The following RAB37 variants were observed in gnomAD, a reference collection of about 807,000 sequenced individuals.
RAB37 encodes RAB37, member RAS oncogene family, also known as ras-related protein Rab-37.
RAB37 carries 29 observed loss-of-function variants against 33.1 expected under a neutral mutation model. That is an observed-to-expected ratio of 0.88 (90% CI 0.65 to 1.20). The LOEUF (loss-of-function observed/expected upper bound fraction) is 1.20, where lower values mean the gene tolerates loss of function less well. Among genes scored for constraint, RAB37 ranks in the 50% most tolerant of loss-of-function variants. The pLI is 0.00. For synonymous variants in RAB37, 128 were observed against 119.5 expected (o/e 1.07, Z -0.47); for missense variants, 299 against 301.1 (o/e 0.99, Z 0.05).
chr17:74,706,119 G>A (rs1015314111), intron 1 of RAB37, among the ~76,000 whole-genome samples: 28 of 151,930 alleles, frequency 1.8e-4, no homozygotes, highest in African/African-American at 6.8e-4. Context: ...AGGAGGGAAG[G>A]GAGCAAGCAC....
At chr17:74,684,511 C>A (rs180943599) in intron 1 of RAB37, among the ~76,000 whole-genome samples, 1 of 152,006 alleles carries the variant, frequency 6.6e-6, no homozygotes, top group Non-Finnish European at 1.5e-5. Context: ...AAATGGACTG[C>A]GCACGGTGGC....
At position 74,731,914 on chromosome 17, in the gene RAB37, G is replaced by A. The variant is rs565724446; in HGVS notation, c.183+2548G>A. On this transcript the variant is annotated intron_variant, in intron 2 of 7. Coordinates refer to the RAB37 transcript ENST00000340415. Reference sequence around the variant, plus strand: ...AATCCCAGCTACTTGGGAGGCTGAGGCAAGAGAATCACTTGAACCTGGGAG... The same window carrying A: ...AATCCCAGCTACTTGGGAGGCTGAGACAAGAGAATCACTTGAACCTGGGAG... Among the ~76,000 whole-genome samples, 7 of 152,154 alleles carry A rather than the reference G, an allele frequency of 4.6e-5. No individual in the cohort carries two copies. In the South Asian group the frequency reaches 1.5e-3, roughly 32 times the overall value.
intron 1 of RAB37, chr17:74,695,683 C>T (rs1486817038): frequency 1.9e-6 from 3 of 1,612,528 alleles, no homozygotes; most frequent in Non-Finnish European, 2.5e-6. Context: ...AGGCCTGTGT[C>T]CCCCTGCCCC....
At chr17:74,713,964 C>G (rs1415819099) in intron 1 of RAB37, among the ~76,000 whole-genome samples, 1 of 140,688 alleles carries the variant, frequency 7.1e-6, no homozygotes, top group African/African-American at 2.6e-5. Flanking sequence ...AATCCCAACA[C>G]TTTGGGAGGC....
intron 1 of RAB37, among the ~76,000 whole-genome samples, chr17:74,721,462 T>C (rs2034239705): frequency 6.6e-6 from 1 of 151,550 alleles, no homozygotes; most frequent in Non-Finnish European, 1.5e-5. Flanking sequence ...AGATGGAGTC[T>C]TGTTCTGTCA....
At chr17:74,719,820 C>A (rs951302496) in intron 1 of RAB37, among the ~76,000 whole-genome samples, 1 of 152,034 alleles carries the variant, frequency 6.6e-6, no homozygotes, top group African/African-American at 2.4e-5. Flanking sequence ...CCTGGCCAAG[C>A]AAATTATTTA....
At position 74,732,089 on chromosome 17, in the gene RAB37, C is replaced by T. The variant is rs116550601; in HGVS notation, c.183+2723C>T. ...AACATTCACGGTTCACTATTACCTT[C>T]CAAATAAAGTCTGAATCTCTCATCT... On this transcript the variant is annotated intron_variant, in intron 2 of 7. Coordinates refer to the RAB37 transcript ENST00000340415. Among the ~76,000 whole-genome samples the T allele has an allele frequency of 4.3e-3, 650 of 152,218 alleles. 7 individuals carry two copies. The highest frequency in any genetic ancestry group is 0.015 in the African/African-American group (606 of 41,560).
chr17:74,674,884 C>T (rs1488409750), intron 1 of RAB37, among the ~76,000 whole-genome samples: 1 of 152,112 alleles, frequency 6.6e-6, no homozygotes, highest in East Asian at 1.9e-4. Flanking sequence ...GAAGAAGCAT[C>T]ATCTTGTGTT....
rs934330745 is a variant in RAB37 at position 74,682,388 on chromosome 17, G to A, written c.72+10730G>A. Among the ~76,000 whole-genome samples the A allele has an allele frequency of 5.9e-5, 9 of 151,956 alleles. No individual in the cohort carries two copies. In the East Asian group the frequency reaches 9.7e-4, roughly 16 times the overall value. ...TCCATTCACAGGCAGGCTTCTCCCC[G>A]TGGGGCCCCATTATTGACAGCAGCC... is the stretch of plus-strand genomic sequence containing the variant. On this transcript the variant is annotated intron_variant, in intron 1 of 7. Transcript: ENST00000340415.
intron 1 of RAB37, among the ~76,000 whole-genome samples, chr17:74,739,301 G>A (rs2034551218): frequency 6.6e-6 from 1 of 152,128 alleles, no homozygotes; most frequent in African/African-American, 2.4e-5. Context: ...CCATTCCTGC[G>A]TGTCCCTGGG....
At chr17:74,743,725 A>G (rs1158453729) in intron 5 of RAB37, among the ~76,000 whole-genome samples, 1 of 152,246 alleles carries the variant, frequency 6.6e-6, no homozygotes, top group African/African-American at 2.4e-5. Flanking sequence ...AGTCAGACAG[A>G]GTGAGTGGTT....
rs906799608 is a variant in RAB37, at chr17:74,745,228, T to C, written c.567-78T>C. 1.9e-6 allele frequency: 3 copies of C among 1,542,828 alleles called. No individual in the cohort carries two copies. The highest frequency in any genetic ancestry group is 2.7e-6 in the Non-Finnish European group (3 of 1,116,536). ...ATTTGCTCTGGGAGCACTGGGCCAC[T>C]GGGAGAGGGGAGGGGGCGGCTCAGC... On this transcript the variant is annotated intron_variant, in intron 8 of 8. Coordinates refer to ENST00000392613, the MANE Select transcript of RAB37 (RefSeq NM_001006638.3). This position sits in a 1 kb window ranked among gnomAD's most constrained non-coding sequence, Gnocchi z 4.5.
intron 2 of RAB37, 89 bp downstream of exon 2, chr17:74,740,967 C>G: frequency 6.6e-6 from 6 of 911,124 alleles, no homozygotes; most frequent in Non-Finnish European, 1.1e-5. Context: ...CTCACCCTGG[C>G]TCCCAGGGAC....
At chr17:74,672,282 C>T (rs1598172528) in intron 1 of RAB37, among the ~76,000 whole-genome samples, 1 of 51,512 alleles carries the variant, frequency 1.9e-5, no homozygotes, top group Admixed American at 1.7e-4. Flanking sequence ...AAAATAGTAG[C>T]CTCTCTCAGG....
chr17:74,695,108 G>A, intron 1 of RAB37: 1 of 1,613,818 alleles, frequency 6.2e-7, no homozygotes, highest in Non-Finnish European at 8.5e-7. Flanking sequence ...AAGGCCTGCT[G>A]ATGGTGCTGT....
chr17:74,720,423 GA>G (rs971269323), intron 1 of RAB37, among the ~76,000 whole-genome samples: 32 of 147,748 alleles, frequency 2.2e-4, no homozygotes, highest in East Asian at 1.6e-3. Flanking sequence ...CATCTCTACT[GA>G]AAAAAAAAAC....
At chr17:74,705,342 T>C (rs1039047912) in intron 1 of RAB37, 13 of 673,138 alleles carry the variant, frequency 1.9e-5, no homozygotes, top group East Asian at 2.7e-5. Context: ...GCCTTTGAAG[T>C]TGATCAAAAC....
chr17:74,707,993 C>T (rs535719797), intron 1 of RAB37, among the ~76,000 whole-genome samples: 1 of 151,456 alleles, frequency 6.6e-6, no homozygotes, highest in South Asian at 2.1e-4. Flanking sequence ...ACTAAAAATA[C>T]AAAAATTAGC....
chr17:74,691,556 A>G (rs1349133312), intron 1 of RAB37, among the ~76,000 whole-genome samples: 1 of 152,160 alleles, frequency 6.6e-6, no homozygotes, highest in Non-Finnish European at 1.5e-5. Flanking sequence ...ACTGCTCTTC[A>G]GCAGCCCATG....
Sources: allele counts gnomAD v4.1 joint callset (sites outside exome capture counted in the v4.1 genomes callset), GRCh38; gene constraint gnomAD v4.1.1; non-coding constraint Gnocchi (gnomAD v3.1); transcripts MANE v1.5; gene names NCBI Gene and HGNC (gene_info 2026-07-23, HGNC 2026-07-21).